The following INPP5K variants were observed in gnomAD, a reference collection of about 807,000 sequenced individuals.
INPP5K encodes the protein inositol polyphosphate 5-phosphatase K.
INPP5K carries 35 observed loss-of-function variants against 53.5 expected under a neutral mutation model. The observed-to-expected ratio is 0.65, with a 90% confidence interval of 0.50 to 0.87. The LOEUF (loss-of-function observed/expected upper bound fraction) is 0.87, where lower values mean the gene tolerates loss of function less well. Among genes scored for constraint, INPP5K ranks in the 40% least tolerant of loss-of-function variants. The pLI, the probability that INPP5K is intolerant of heterozygous loss-of-function variation, is 0.00. For missense variants in INPP5K, 550 were observed against 586.2 expected, an observed-to-expected ratio of 0.94 and a Z score of 0.64; for synonymous variants, 253 against 232.8, an observed-to-expected ratio of 1.09 and a Z score of -0.79.
chr17:1,512,167 C>T (rs2075324494), intron 3 of INPP5K, among the ~76,000 whole-genome samples: 1 of 152,166 alleles, frequency 6.6e-6, no homozygotes, highest in African/African-American at 2.4e-5. Context: ...TCTCAGTAGG[C>T]CACATGGGTA....
chr17:1,509,136 TG>T, intron 5 of INPP5K, 41 bp downstream of exon 5: 2 of 1,374,512 alleles, frequency 1.5e-6, no homozygotes, highest in Non-Finnish European at 1.9e-6. Flanking sequence ...GGGGTTAGCG[TG>T]GGGCAGAGGG....
intron 6 of INPP5K, chr17:1,507,297 A>G: frequency 1.8e-6 from 1 of 559,314 alleles, no homozygotes; most frequent in Non-Finnish European, 3.2e-6. Context: ...ACCAAGGCCC[A>G]GGGGAGGCAG....
At chr17:1,498,268 G>T (rs2074915968) in intron 7 of INPP5K, 146 bp from the exon 8 acceptor site, 2 of 629,208 alleles carry the variant, frequency 3.2e-6, no homozygotes, top group Non-Finnish European at 5.4e-6. Context: ...GAGCCGGAGG[G>T]AGCAAGGCAG....
chr17:1,516,471 T>A lies in INPP5K; in HGVS notation c.29A>T (p.Lys10Ile). The A allele has an allele frequency of 6.3e-7, 1 of 1,589,916 alleles. No homozygotes were observed. The highest frequency in any genetic ancestry group is 8.5e-7 in the Non-Finnish European group (1 of 1,176,386). MSSRKLSGP[K>I]GRRLSIHVVT... ...GTGCCCTCACCTGAGCCTCCTGCCT[T>A]TCGGCCCGCTCAGCTTCCGCGAGCT... The change falls in exon 1 of 12, where the codon AAA becomes ATA. Residue 10 changes from lysine (K) to isoleucine (I), a missense_variant. Coordinates refer to ENST00000421807, the MANE Select transcript of INPP5K (RefSeq NM_016532.4).
At position 1,513,894 on chromosome 17, in the gene INPP5K, T is replaced by C. The variant is rs780711300; in HGVS notation, c.130A>G (p.Asn44Asp). The C allele has an allele frequency of 7.4e-6, 12 of 1,613,046 alleles. No homozygotes were observed. Among genetic ancestry groups the C allele is most frequent in the South Asian group, 6.6e-5 (6 of 90,948 alleles). ...DLLQLNNRNL[N>D]LDIYVIGLQE... is the part of the protein sequence containing the mutation. ...TACCCAATAACATATATGTCAAGAT[T>C]GAGGTTCCGGTTGTTCAGCTGAAGC... The change falls in exon 2 of 12, where the codon AAT becomes GAT. Residue 44 changes from asparagine to aspartate, a missense_variant. Asn to Asp is a conservative substitution (Grantham distance 23). Coordinates refer to ENST00000421807, the MANE Select transcript of INPP5K (RefSeq NM_016532.4).
chr17:1,506,882 T>C, intron 7 of INPP5K, 98 bp downstream of exon 7: 2 of 819,782 alleles, frequency 2.4e-6, no homozygotes, highest in South Asian at 3.3e-5. Context: ...GACCAATTCC[T>C]GCCCCCCCTA....
At chr17:1,500,632 T>TG (rs541944001) in intron 7 of INPP5K, among the ~76,000 whole-genome samples, 112 of 152,014 alleles carry the variant, frequency 7.4e-4, no homozygotes, top group African/African-American at 2.4e-3. Flanking sequence ...CCCAAAGTGC[T>TG]GGATTACAGG....
At chr17:1,501,258 T>A (rs1400970429) in intron 7 of INPP5K, among the ~76,000 whole-genome samples, 1 of 152,168 alleles carries the variant, frequency 6.6e-6, no homozygotes, top group African/African-American at 2.4e-5. Flanking sequence ...GTGCCTGGCC[T>A]ATTCAACTGC....
intron 7 of INPP5K, among the ~76,000 whole-genome samples, chr17:1,505,744 A>G (rs73294708): frequency 6.6e-6 from 1 of 152,280 alleles, no homozygotes; most frequent in African/African-American, 2.4e-5. Flanking sequence ...TTCCCTGGCT[A>G]AATCCCAAAG....
intron 7 of INPP5K, among the ~76,000 whole-genome samples, chr17:1,506,239 G>C (rs989476911): frequency 2.6e-5 from 4 of 152,106 alleles, no homozygotes; most frequent in African/African-American, 9.7e-5. Context: ...GGTCAGGCTG[G>C]TCTCAAACTC....
chr17:1,500,282 C>G (rs974456551), intron 7 of INPP5K, among the ~76,000 whole-genome samples: 2 of 152,228 alleles, frequency 1.3e-5, no homozygotes, highest in African/African-American at 4.8e-5. Flanking sequence ...TTTGCTTTTG[C>G]AGTATTTGCT....
At chr17:1,504,673 G>C (rs368840872) in intron 7 of INPP5K, among the ~76,000 whole-genome samples, 3 of 152,218 alleles carry the variant, frequency 2.0e-5, no homozygotes, top group Non-Finnish European at 2.9e-5. Context: ...TTGTAAACAG[G>C]CAATAATAAC....
chr17:1,496,006 C>T (rs1051546573), intron 11 of INPP5K, 54 bp downstream of exon 11: 20 of 1,442,706 alleles, frequency 1.4e-5, no homozygotes, highest in Non-Finnish European at 1.9e-5. Flanking sequence ...CCTCAGGGAG[C>T]CAGTGATGAG....
intron 1 of INPP5K, among the ~76,000 whole-genome samples, chr17:1,515,270 C>A (rs1488995199): frequency 6.6e-6 from 1 of 152,154 alleles, no homozygotes; most frequent in African/African-American, 2.4e-5. Flanking sequence ...TCTATGTCTG[C>A]GTAGTATTCC....
In INPP5K at chr17:1,494,950, G is replaced by C. The variant is rs574099890; in HGVS notation, c.*873C>G. On this transcript the variant is annotated 3_prime_UTR_variant, in exon 12 of 12. Coordinates refer to ENST00000421807, the MANE Select transcript of INPP5K (RefSeq NM_016532.4). ...CTGCCCCCACTCTGAGGTCCCGGGG[G>C]GTCCAGGGGGGGCCCGTCGTCAATG... 1 of 152,298 alleles carries C rather than the reference G, an allele frequency of 6.6e-6. No individual in the cohort carries two copies. The highest frequency in any genetic ancestry group is 6.5e-5 in the Admixed American group (1 of 15,282). The allele number at this position is 152,298 out of a possible 1,614,324, so 9.4% of individuals were successfully genotyped here.
rs1325466771 is a variant in INPP5K at position 1,498,086 on chromosome 17, G to A, written c.813C>T (p.Ile271=). The change falls in exon 8 of 12, where the codon ATC becomes ATT. Residue 271 remains isoleucine, a synonymous_variant. Coordinates refer to ENST00000421807, the MANE Select transcript of INPP5K (RefSeq NM_016532.4). ...KKRKPAWTDR[I]LWRLKRQPCA... ...AGGGCTGCCGCTTCAGCCTCCACAG[G>A]ATGCGATCGGTCCATGCAGGCTTGC... 1.1e-5 allele frequency: 18 copies of A among 1,613,782 alleles called. No individual in the cohort carries two copies. Among genetic ancestry groups the A allele is most frequent in the Admixed American group, 1.7e-5 (1 of 60,012 alleles).
At chr17:1,516,302 C>T (rs1026003455) in intron 1 of INPP5K, among the ~76,000 whole-genome samples, 154 bp downstream of exon 1, 1 of 152,250 alleles carries the variant, frequency 6.6e-6, no homozygotes, top group Non-Finnish European at 1.5e-5. Context: ...TCGGGCCCAA[C>T]ACAGCCCACC....
intron 1 of INPP5K, 84 bp downstream of exon 1, chr17:1,516,372 G>A: frequency 7.2e-7 from 1 of 1,396,970 alleles, no homozygotes; most frequent in Non-Finnish European, 9.7e-7. Flanking sequence ...ATGGAGGTCT[G>A]GTGCCTTGTC....
At chr17:1,509,418 T>A (rs2075254400) in intron 4 of INPP5K, 65 bp from the exon 5 acceptor site, 8 of 1,478,980 alleles carry the variant, frequency 5.4e-6, no homozygotes, top group Non-Finnish European at 5.6e-6. Flanking sequence ...TCTTTCCACA[T>A]CCTGGACCTG....
Sources: allele counts gnomAD v4.1 joint callset (sites outside exome capture counted in the v4.1 genomes callset), GRCh38; gene constraint gnomAD v4.1.1; transcripts MANE v1.5; gene names NCBI Gene and HGNC (gene_info 2026-07-23, HGNC 2026-07-21).